The following EDC3 variants were observed in gnomAD, a reference collection of about 807,000 sequenced individuals.
The protein encoded by EDC3 is enhancer of mRNA decapping 3.
EDC3 carries 20 observed loss-of-function variants against 41.8 expected under a neutral mutation model. The ratio of observed to expected loss-of-function variants is 0.48; its 90% CI spans 0.34 to 0.70. EDC3 has a LOEUF of 0.70. Ranked by LOEUF, EDC3 falls within the 30% of genes least tolerant of loss-of-function variation. The pLI is 0.01. For missense variants in EDC3, 444 were observed against 636.8 expected, an observed-to-expected ratio of 0.70 and a Z score of 3.26; for synonymous variants, 206 against 243.2, an observed-to-expected ratio of 0.85 and a Z score of 1.42.
intron 5 of EDC3, chr15:74,640,217 G>A (rs543501614): frequency 8.3e-5 from 37 of 446,806 alleles, no homozygotes; most frequent in Non-Finnish European, 1.0e-4. Flanking sequence ...TCTCAGGCCC[G>A]ATGGCTGCTA....
At chr15:74,648,421 C>T (rs1442936892) in intron 4 of EDC3, among the ~76,000 whole-genome samples, 1 of 152,186 alleles carries the variant, frequency 6.6e-6, no homozygotes, top group South Asian at 2.1e-4. Context: ...GAAAGCCAAA[C>T]TTGTCCTAAG....
At chr15:74,638,782 C>T (rs1411604970) in intron 5 of EDC3, 3 of 152,072 alleles carry the variant, frequency 2.0e-5, no homozygotes, top group African/African-American at 7.2e-5. Context: ...ACCATCCAAT[C>T]AGATGTCCAG....
At chr15:74,680,349 G>A (rs2062857632) in intron 1 of EDC3, among the ~76,000 whole-genome samples, 1 of 150,140 alleles carries the variant, frequency 6.7e-6, no homozygotes, top group Admixed American at 6.6e-5. Flanking sequence ...AGATCAGAAA[G>A]CCAATCAATG....
chr15:74,659,914 G>A lies in EDC3; in HGVS notation c.485-3846C>T, dbSNP rs531264322. 2.1e-3 allele frequency among the ~76,000 whole-genome samples: 323 copies of A among 151,894 alleles called. 1 individual carries two copies. Among genetic ancestry groups the A allele is most frequent in the African/African-American group, 6.0e-3 (250 of 41,382 alleles). On this transcript the variant is annotated intron_variant, in intron 3 of 6. Coordinates refer to ENST00000315127, the MANE Select transcript of EDC3 (RefSeq NM_025083.5). ...ACAAAAATTAGCTGGGCATGGTGGC[G>A]CGCACATGTAGTCCCAGCTACTTGG... is the stretch of plus-strand genomic sequence containing the variant.
intron 4 of EDC3, among the ~76,000 whole-genome samples, chr15:74,651,509 T>TAATA (rs1567161928): frequency 6.6e-6 from 1 of 152,254 alleles, no homozygotes; most frequent in Non-Finnish European, 1.5e-5. Context: ...AATTAGTGAA[T>TAATA]AATAGCTTAT....
chr15:74,640,085 G>A (rs1266239112), intron 5 of EDC3: 2 of 198,492 alleles, frequency 1.0e-5, no homozygotes, highest in Admixed American at 5.7e-5. Context: ...TGTCAGTGTG[G>A]TTCTGGAAGC....
intron 3 of EDC3, among the ~76,000 whole-genome samples, chr15:74,658,283 T>C (rs757582662): frequency 5.9e-5 from 9 of 152,076 alleles, no homozygotes; most frequent in Non-Finnish European, 1.2e-4. Context: ...TCACATATAC[T>C]AAACCAACTA....
chr15:74,667,796 C>T (rs1224373503), intron 3 of EDC3, among the ~76,000 whole-genome samples: 3 of 152,106 alleles, frequency 2.0e-5, no homozygotes, highest in Non-Finnish European at 4.4e-5. Context: ...AGAGGAATCT[C>T]TGGCATAAAA....
At chr15:74,640,684 C>T (rs925576712) in intron 4 of EDC3, 65 bp from the exon 5 acceptor site, 85 of 1,599,144 alleles carry the variant, frequency 5.3e-5, no homozygotes, top group Middle Eastern at 3.3e-4. Flanking sequence ...ACCGGGTATA[C>T]TCTATCCAAG....
intron 1 of EDC3, among the ~76,000 whole-genome samples, chr15:74,681,663 T>C (rs957285596): frequency 4.6e-5 from 7 of 152,144 alleles, no homozygotes; most frequent in Non-Finnish European, 7.4e-5. Flanking sequence ...CAGCATAGTT[T>C]TTACAACAAA....
rs1198475429 is a variant in EDC3 at position 74,672,277 on chromosome 15, A to G, written c.165-503T>C. Among the ~76,000 whole-genome samples, 3 of 140,152 alleles carry G rather than the reference A, an allele frequency of 2.1e-5. No homozygotes were observed. In the East Asian group the frequency reaches 6.3e-4, roughly 30 times the overall value. The allele number at this position is 140,152 out of a possible 152,430, so 91.9% of individuals were successfully genotyped here. On this transcript the variant is annotated intron_variant, in intron 2 of 6. Transcript: ENST00000315127. ...GAGCGAGACTCTGTCTCAAAAAAAA[A>G]AAAAAAAAAAAGAGAGGCTATTGCT...
rs142921701 is a variant in EDC3 at position 74,691,015 on chromosome 15, C to G, written c.-19+4865G>C. Among the ~76,000 whole-genome samples the G allele has an allele frequency of 6.8e-4, 103 of 151,554 alleles. 3 individuals carry two copies. The East Asian group carries it at 0.015, about 22-fold the overall frequency. ...TTCAAAGCCAGCCTGGGCAACATGG[C>G]AAAACTCTGTCTCTAGAAAAAATAC... On this transcript the variant is annotated intron_variant, in intron 1 of 6. Transcript: ENST00000315127.
At chr15:74,639,187 G>C (rs1335854716) in intron 5 of EDC3, 1 of 152,210 alleles carries the variant, frequency 6.6e-6, no homozygotes, top group Non-Finnish European at 1.5e-5. Context: ...ACTGCCTTCA[G>C]TCTTGCCTCC....
chr15:74,678,804 C>T (rs1257150339), intron 1 of EDC3, among the ~76,000 whole-genome samples: 4 of 148,948 alleles, frequency 2.7e-5, no homozygotes, highest in Non-Finnish European at 4.4e-5. Flanking sequence ...GCAGAAGAAT[C>T]GCTTGAAATG....
chr15:74,685,432 GA>G (rs2062924561), intron 1 of EDC3, among the ~76,000 whole-genome samples: 2 of 150,936 alleles, frequency 1.3e-5, no homozygotes, highest in Non-Finnish European at 2.9e-5. Context: ...TAGATAGATA[GA>G]TAGTGTGTGT....
intron 5 of EDC3, chr15:74,637,155 A>G (rs533544579): frequency 6.6e-6 from 1 of 152,356 alleles, no homozygotes; most frequent in Admixed American, 6.5e-5. Context: ...GGAACACTGC[A>G]TGGCACCTGA....
chr15:74,694,701 A>C (rs780504034), intron 1 of EDC3, among the ~76,000 whole-genome samples: 1 of 151,862 alleles, frequency 6.6e-6, no homozygotes, highest in Admixed American at 6.6e-5. Flanking sequence ...TCTTCTGTAG[A>C]AAGGGTAAGT....
At chr15:74,650,100 G>A (rs2062463839) in intron 4 of EDC3, among the ~76,000 whole-genome samples, 1 of 152,054 alleles carries the variant, frequency 6.6e-6, no homozygotes, top group Non-Finnish European at 1.5e-5. Context: ...ACTACATCAT[G>A]AGCATGACTG....
At chr15:74,664,386 T>C (rs959883462) in intron 3 of EDC3, among the ~76,000 whole-genome samples, 3 of 152,276 alleles carry the variant, frequency 2.0e-5, no homozygotes, top group African/African-American at 7.2e-5. Context: ...TCTTTACCTT[T>C]CAATTACAAG....
Sources: gnomAD v4.1 joint callset for allele counts (sites outside exome capture counted in the v4.1 genomes callset) on GRCh38, gnomAD v4.1.1 for gene constraint, MANE v1.5 for transcripts, NCBI Gene and HGNC (gene_info 2026-07-23, HGNC 2026-07-21) for gene names.